Variants in SESTD1 observed in about 807,000 individuals in gnomAD.
SESTD1 encodes SEC14 domain and spectrin repeat-containing protein 1.
A neutral mutation model predicts 101.7 loss-of-function variants in SESTD1; 43 were observed. That is an observed-to-expected ratio of 0.42 (90% CI 0.33 to 0.55). SESTD1 has a LOEUF of 0.55. Ranked by LOEUF, SESTD1 falls within the 20% of genes least tolerant of loss-of-function variation. SESTD1 has a pLI of 0.07. For missense variants in SESTD1, 647 were observed against 815.1 expected, an observed-to-expected ratio of 0.79 and a Z score of 2.51; for synonymous variants, 283 against 286.8, an observed-to-expected ratio of 0.99 and a Z score of 0.13.
At chr2:179,182,961 A>G (rs1195129201) in intron 3 of SESTD1, 119 bp downstream of exon 3, 3 of 586,398 alleles carry the variant, frequency 5.1e-6, no homozygotes, top group Non-Finnish European at 8.4e-6. Context: ...ATCTATAATT[A>G]TAATTTCACT....
intron 1 of SESTD1, among the ~76,000 whole-genome samples, chr2:179,210,375 C>G (rs1057209710): frequency 7.5e-6 from 1 of 133,272 alleles, no homozygotes; most frequent in Admixed American, 7.3e-5. Context: ...AAGGACATAA[C>G]AAAAAAAGAA....
chr2:179,153,520 T>G (rs2045569212), intron 5 of SESTD1, among the ~76,000 whole-genome samples: 1 of 152,150 alleles, frequency 6.6e-6, no homozygotes, highest in Non-Finnish European at 1.5e-5. Flanking sequence ...TCACACACAC[T>G]TATATGTATG....
intron 1 of SESTD1, among the ~76,000 whole-genome samples, chr2:179,198,103 G>C (rs780089434): frequency 1.8e-4 from 28 of 152,096 alleles, no homozygotes; most frequent in Non-Finnish European, 3.4e-4. Flanking sequence ...CAAAATAAAA[G>C]GATGGAGGAA....
At chr2:179,134,851 A>G (rs1426697387) in intron 9 of SESTD1, among the ~76,000 whole-genome samples, 1 of 152,214 alleles carries the variant, frequency 6.6e-6, no homozygotes, top group Non-Finnish European at 1.5e-5. Flanking sequence ...ATTGCTCTCT[A>G]AAACTCGTTT....
chr2:179,173,692 A>G (rs552315026), intron 4 of SESTD1, among the ~76,000 whole-genome samples: 1 of 152,300 alleles, frequency 6.6e-6, no homozygotes, highest in East Asian at 1.9e-4. Context: ...CCTGGGTTCA[A>G]TACATTCTTT....
At chr2:179,236,148 T>A (rs1380649301) in intron 1 of SESTD1, among the ~76,000 whole-genome samples, 2 of 139,178 alleles carry the variant, frequency 1.4e-5, no homozygotes, top group Non-Finnish European at 3.1e-5. Context: ...TCATTTTTAC[T>A]TGTTGAATTA....
intron 5 of SESTD1, among the ~76,000 whole-genome samples, chr2:179,154,305 G>C (rs966155545): frequency 7.3e-5 from 11 of 150,494 alleles, no homozygotes; most frequent in Non-Finnish European, 1.6e-4. Flanking sequence ...AAGAGAGGGA[G>C]GGAGGGAGGG....
At chr2:179,178,359 G>T (rs2046047434) in intron 3 of SESTD1, among the ~76,000 whole-genome samples, 1 of 152,108 alleles carries the variant, frequency 6.6e-6, no homozygotes, top group Non-Finnish European at 1.5e-5. Context: ...GGCTAGGCGT[G>T]GTGCCTCATG....
intron 10 of SESTD1, 135 bp downstream of exon 10, chr2:179,132,169 C>A (rs1559104986): frequency 9.7e-7 from 1 of 1,031,202 alleles, no homozygotes; most frequent in East Asian, 2.9e-5. Context: ...TACTTTATGA[C>A]CTCTAGGCAC....
At position 179,213,200 on chromosome 2, in the gene SESTD1, C is replaced by T. The variant is rs553946153; in HGVS notation, c.-25-21334G>A. Reference sequence around the variant, plus strand: ...GAAGGTCAGTAATAACAAAGTTCTCCGAGCTAAAGGGGCATGTTCTAACCC... The same window carrying T: ...GAAGGTCAGTAATAACAAAGTTCTCTGAGCTAAAGGGGCATGTTCTAACCC... On this transcript the variant is annotated intron_variant, in intron 1 of 17. Transcript: ENST00000428443. Among the ~76,000 whole-genome samples, 83 of 134,218 alleles carry T rather than the reference C, an allele frequency of 6.2e-4. 18 individuals are homozygous for T. The highest frequency in any genetic ancestry group is 4.2e-3 in the Middle Eastern group (1 of 236). 88.1% of individuals were successfully genotyped at this position (134,218 alleles called of 152,430 possible).
At chr2:179,137,889 T>G (rs2045188231) in intron 9 of SESTD1, among the ~76,000 whole-genome samples, 2 of 152,156 alleles carry the variant, frequency 1.3e-5, no homozygotes, top group African/African-American at 4.8e-5. Context: ...ATTTTCACAT[T>G]TTCATCAAAT....
intron 3 of SESTD1, among the ~76,000 whole-genome samples, chr2:179,181,927 T>C (rs1247596383): frequency 6.6e-6 from 1 of 151,204 alleles, no homozygotes; most frequent in African/African-American, 2.4e-5. Flanking sequence ...GTTCTCATCA[T>C]TTTCACCCCC....
At chr2:179,203,535 CT>C (rs1307241008) in intron 1 of SESTD1, among the ~76,000 whole-genome samples, 1 of 134,462 alleles carries the variant, frequency 7.4e-6, no homozygotes, top group Non-Finnish European at 1.6e-5. Context: ...CCCATGCCTC[CT>C]CCCCCGATAC....
At chr2:179,195,208 G>C (rs911779682) in intron 1 of SESTD1, among the ~76,000 whole-genome samples, 1 of 152,236 alleles carries the variant, frequency 6.6e-6, no homozygotes, top group African/African-American at 2.4e-5. Flanking sequence ...TTGAGGAAGA[G>C]AATTGTAATC....
intron 17 of SESTD1, among the ~76,000 whole-genome samples, chr2:179,111,139 C>T (rs951224764): frequency 1.3e-5 from 2 of 152,130 alleles, no homozygotes; most frequent in East Asian, 1.9e-4. Context: ...ACCAGAAGCA[C>T]GCCTGTAATT....
chr2:179,197,973 T>C (rs1297190721), intron 1 of SESTD1, among the ~76,000 whole-genome samples: 1 of 151,900 alleles, frequency 6.6e-6, no homozygotes, highest in East Asian at 1.9e-4. Flanking sequence ...TAACTTTAAA[T>C]GTAAATGGAC....
intron 1 of SESTD1, among the ~76,000 whole-genome samples, chr2:179,206,861 G>A (rs372531575): frequency 7.5e-6 from 1 of 133,852 alleles, no homozygotes; most frequent in Non-Finnish European, 1.6e-5. Context: ...AGTGTGGTTG[G>A]TGGGGGCAAG....
At chr2:179,230,110 T>G (rs1354508826) in intron 1 of SESTD1, among the ~76,000 whole-genome samples, 1 of 122,104 alleles carries the variant, frequency 8.2e-6, no homozygotes, top group Non-Finnish European at 1.7e-5. Flanking sequence ...CTGGATTGTA[T>G]CTCTTTTTTT....
chr2:179,220,410 C>G (rs1448768914), intron 1 of SESTD1, among the ~76,000 whole-genome samples: 3 of 152,224 alleles, frequency 2.0e-5, no homozygotes, highest in South Asian at 4.1e-4. Flanking sequence ...GAACATTGCA[C>G]TAGAGGAGCA....
Sources: allele counts gnomAD v4.1 joint callset (sites outside exome capture counted in the v4.1 genomes callset), GRCh38; gene constraint gnomAD v4.1.1; transcripts MANE v1.5; gene names NCBI Gene and HGNC (gene_info 2026-07-23, HGNC 2026-07-21).